The following BMP1 variants were observed in gnomAD, a reference collection of about 807,000 sequenced individuals.
The protein encoded by BMP1 is mammalian tolloid protein.
BMP1 carries 63 observed loss-of-function variants against 116.8 expected under a neutral mutation model. The observed-to-expected ratio is 0.54, with a 90% CI of 0.44 to 0.67. The LOEUF is 0.67. Among genes scored for constraint, BMP1 ranks in the 30% least tolerant of loss-of-function variants. The pLI is 0.00. For missense variants in BMP1, 1,183 were observed against 1,358.9 expected, an observed-to-expected ratio of 0.87 and a Z score of 2.04; for synonymous variants, 536 against 533.4, an observed-to-expected ratio of 1.00 and a Z score of -0.07.
intron 13 of BMP1, among the ~76,000 whole-genome samples, chr8:22,195,902 G>A (rs1178718297): frequency 2.0e-5 from 3 of 151,968 alleles, no homozygotes; most frequent in Non-Finnish European, 4.4e-5. Flanking sequence ...TCCTGCCTCG[G>A]CCTCCCAAAG....
chr8:22,176,408 A>C, intron 3 of BMP1, 95 bp downstream of exon 3: 3 of 1,548,096 alleles, frequency 1.9e-6, no homozygotes, highest in Non-Finnish European at 2.6e-6. Flanking sequence ...TGCCACCTGC[A>C]GCCCGAGTGC....
intron 18 of BMP1, among the ~76,000 whole-genome samples, chr8:22,208,106 A>G (rs1829398175): frequency 6.6e-6 from 1 of 151,234 alleles, no homozygotes; most frequent in Non-Finnish European, 1.5e-5. Flanking sequence ...CCAGTCTCAA[A>G]CTCCTGACCT....
chr8:22,167,261 C>T (rs150788083), intron 1 of BMP1, among the ~76,000 whole-genome samples: 5 of 152,190 alleles, frequency 3.3e-5, no homozygotes, highest in Non-Finnish European at 2.9e-5. Context: ...GGTACTGAGA[C>T]GTACAAGCTA....
intron 8 of BMP1, among the ~76,000 whole-genome samples, chr8:22,190,644 G>A (rs78725162): frequency 0.011 from 1,605 of 152,308 alleles, 31 homozygotes; most frequent in African/African-American, 0.035. Context: ...TCCTCTAGGC[G>A]GACATTGGAA....
rs1828554239 is a variant in BMP1 at position 22,179,631 on chromosome 8, C to T, written c.837-74C>T. On this transcript the variant is annotated intron_variant, in intron 6 of 19. Coordinates refer to ENST00000306385, the MANE Select transcript of BMP1 (RefSeq NM_006129.5). The surrounding 1 kb of genome is among the most constrained non-coding windows in gnomAD (Gnocchi z 4.6). ...CCAGCAGGGTCGTGACTTGTGGGTA[C>T]AGATGGGCATGCCACCCACTCCCTG... 3 of 1,604,462 alleles carry T rather than the reference C, an allele frequency of 1.9e-6. No individual in the cohort carries two copies. The highest frequency in any genetic ancestry group is 2.6e-6 in the Non-Finnish European group (3 of 1,174,562).
intron 15 of BMP1, chr8:22,201,554 G>A: frequency 1.4e-6 from 2 of 1,414,882 alleles, no homozygotes; most frequent in Non-Finnish European, 1.8e-6. Flanking sequence ...GACCCATGCT[G>A]GTCCGCTCGG....
chr8:22,199,480 A>C (rs1829196352), intron 15 of BMP1: 3 of 1,087,898 alleles, frequency 2.8e-6, no homozygotes, highest in African/African-American at 2.2e-5. Flanking sequence ...GAGGCTGCCC[A>C]CTCCTGCCCC....
Position 22,209,498 on chromosome 8 carries a change from G to A in BMP1, c.2629G>A (p.Ala877Thr), listed in dbSNP as rs767606234. 6 of 1,614,238 alleles carry A rather than the reference G, an allele frequency of 3.7e-6. 1 individual carries two copies. The highest frequency in any genetic ancestry group is 2.2e-5 in the East Asian group (1 of 44,888). ...DVKTKDLYSH[A>T]QFGDNNYPGG... ...GAAGACCAAGGACCTTTACTCCCACGCCCAGTTTGGCGACAACAACTACCC... is the reference window on the plus strand; with the variant it reads ...GAAGACCAAGGACCTTTACTCCCACACCCAGTTTGGCGACAACAACTACCC... Residue 877 changes from alanine to threonine, a missense_variant, in exon 19 of 20, where the codon GCC (alanine) becomes ACC (threonine). Around this residue, in one of 4 missense-constraint regions of BMP1, gnomAD observed 956 missense variants for 1,135.2 expected, o/e 0.84. Coordinates refer to ENST00000306385, the MANE Select transcript of BMP1 (RefSeq NM_006129.5).
chr8:22,179,590 G>A lies in BMP1; in HGVS notation c.837-115G>A. On this transcript the variant is annotated intron_variant, in intron 6 of 19. Transcript: ENST00000306385. This position sits in a 1 kb window ranked among gnomAD's most constrained non-coding sequence, Gnocchi z 4.6. ...GACTCCACCCGGCCCTGACCCTGCTGAGGAATGTCTGAGCTCCAGCAGGGT... is the reference window on the plus strand; with the variant it reads ...GACTCCACCCGGCCCTGACCCTGCTAAGGAATGTCTGAGCTCCAGCAGGGT... 6.3e-7 allele frequency: 1 copy of A among 1,578,582 alleles called. No individual in the cohort carries two copies. Among genetic ancestry groups the A allele is most frequent in the Non-Finnish European group, 8.6e-7 (1 of 1,160,574 alleles).
At chr8:22,188,692 C>T (rs1828846944) in intron 8 of BMP1, among the ~76,000 whole-genome samples, 1 of 152,224 alleles carries the variant, frequency 6.6e-6, no homozygotes. Flanking sequence ...TAGGATGCCT[C>T]TCTTGGCCAA....
chr8:22,176,883 C>T (rs1828454373), intron 4 of BMP1, 78 bp from the exon 5 acceptor site: 45 of 1,322,862 alleles, frequency 3.4e-5, no homozygotes, highest in Non-Finnish European at 4.7e-5. Flanking sequence ...GCCCCGCCCC[C>T]GGCAGCCTGG....
At position 22,206,959 on chromosome 8, in the gene BMP1, C is replaced by G; in HGVS notation, c.2339C>G (p.Thr780Ser). ...GAGTGCACGTGGGCCATCTCCAGCA[C>G]CCCCGGGCACCGGGTCAAGCTGGTA... ...KKECTWAISS[T>S]PGHRVKLTFM... Residue 780 changes from threonine to serine, a missense_variant, in exon 17 of 20, where the codon ACC becomes AGC. Physicochemically the swap from Thr to Ser is moderately conservative, Grantham distance 58. Around this residue, in one of 4 missense-constraint regions of BMP1, gnomAD observed 956 missense variants for 1,135.2 expected, o/e 0.84. Coordinates refer to ENST00000306385, the MANE Select transcript of BMP1 (RefSeq NM_006129.5). 6.2e-7 allele frequency: 1 copy of G among 1,614,160 alleles called. No individual in the cohort carries two copies. The highest frequency in any genetic ancestry group is 1.6e-4 in the Middle Eastern group (1 of 6,062).
At chr8:22,196,393 G>T in intron 13 of BMP1, 3 of 587,538 alleles carry the variant, frequency 5.1e-6, no homozygotes, top group Non-Finnish European at 3.1e-6. Context: ...CCTTATTCCC[G>T]CTCACTCCCT....
At chr8:22,165,886 T>TGTGTGTGTGTGTGCGTGC (rs1554477760) in intron 1 of BMP1, among the ~76,000 whole-genome samples, 1 of 106,758 alleles carries the variant, frequency 9.4e-6, no homozygotes, top group African/African-American at 3.6e-5. Flanking sequence ...TGCGTGCGTG[T>TGTGTGTGTGTGTGCGTGC]GTGTGTGTGT....
At chr8:22,192,000 G>T in intron 8 of BMP1, 49 bp from the exon 9 acceptor site, 1 of 1,503,948 alleles carries the variant, frequency 6.6e-7, no homozygotes. Flanking sequence ...GCAGAGGGCT[G>T]GTGCAATGTT....
chr8:22,209,820 G>A (rs1036471774), intron 19 of BMP1, 125 bp downstream of exon 19: 54 of 1,012,534 alleles, frequency 5.3e-5, no homozygotes, highest in Non-Finnish European at 6.7e-5. Context: ...TGCAGCACGC[G>A]TGTGGCCCTG....
Position 22,165,533 on chromosome 8 carries a change from A to G in BMP1, c.128A>G (p.Tyr43Cys), listed in dbSNP as rs1828065521. Residue 43 changes from tyrosine (Y) to cysteine (C), a missense_variant, in exon 1 of 20, where the codon TAC becomes TGC. Coordinates refer to ENST00000306385, the MANE Select transcript of BMP1 (RefSeq NM_006129.5). Reference sequence around the variant, plus strand: ...GAGGACGACTCGGAGCCCCTCAACTACAAAGACCCCTGCAAGGCGGGTGAG... The same window carrying G: ...GAGGACGACTCGGAGCCCCTCAACTGCAAAGACCCCTGCAAGGCGGGTGAG... ...AEEDDSEPLN[Y>C]KDPCKAAAFL... The G allele has an allele frequency of 6.3e-7, 1 of 1,590,292 alleles. No homozygotes were observed. The highest frequency in any genetic ancestry group is 1.4e-5 in the African/African-American group (1 of 72,192).
intron 1 of BMP1, among the ~76,000 whole-genome samples, chr8:22,172,243 C>T (rs1023593286): frequency 6.6e-6 from 1 of 152,186 alleles, no homozygotes; most frequent in African/African-American, 2.4e-5. Flanking sequence ...CCACCTGTAG[C>T]CCAGCCTCCC....
rs182435102 is a variant in BMP1 at position 22,179,188 on chromosome 8, G to A, written c.837-517G>A. ...ATTGGGAGCTGGTGGGGCTGTCCCC[G>A]GGGCTTGGTCTGGCTGCAGTGGAAT... On this transcript the variant is annotated intron_variant, in intron 6 of 19. Transcript: ENST00000306385. The surrounding 1 kb of genome is among the most constrained non-coding windows in gnomAD (Gnocchi z 4.6). Among the ~76,000 whole-genome samples the A allele has an allele frequency of 5.9e-5, 9 of 152,354 alleles. No individual in the cohort carries two copies. Among genetic ancestry groups the A allele is most frequent in the East Asian group, 1.9e-4 (1 of 5,188 alleles).
Sources: gnomAD v4.1 joint callset for allele counts (sites outside exome capture counted in the v4.1 genomes callset) on GRCh38, gnomAD v4.1.1 for gene constraint, gnomAD v4.1.1 regional missense constraint, Gnocchi (gnomAD v3.1) non-coding constraint, MANE v1.5 for transcripts, NCBI Gene and HGNC (gene_info 2026-07-23, HGNC 2026-07-21) for gene names.